KIF1A: variants seen among roughly 807,000 people sequenced by gnomAD.
KIF1A encodes the protein kinesin-like protein KIF1A.
In KIF1A, 46 loss-of-function variants were observed where a neutral mutation model predicts 227.3. The ratio of observed to expected loss-of-function variants is 0.20; its 90% CI spans 0.16 to 0.26. The LOEUF (loss-of-function observed/expected upper bound fraction) is 0.26, where lower values mean the gene tolerates loss of function less well. Ranked by LOEUF, KIF1A falls within the 10% of genes least tolerant of loss-of-function variation. The pLI is 1.00. For synonymous variants in KIF1A, 1,022 were observed against 1,012.8 expected, an observed-to-expected ratio of 1.01 and a Z score of -0.17; for missense variants, 1,683 against 2,485.9, an observed-to-expected ratio of 0.68 and a Z score of 6.87.
rs1022292866 is a variant in KIF1A at position 240,734,421 on chromosome 2, C to G, written c.4007+2642G>C. Among the ~76,000 whole-genome samples the G allele has an allele frequency of 2.0e-5, 3 of 151,974 alleles. No homozygotes were observed. In the East Asian group the frequency reaches 5.8e-4, roughly 29 times the overall value. ...AGGCTGGGGCAGGAGGAGCAGGAGGCCAGCCAGTGTCTACTAGGGAGCAGG... is the reference window on the plus strand; with the variant it reads ...AGGCTGGGGCAGGAGGAGCAGGAGGGCAGCCAGTGTCTACTAGGGAGCAGG... On this transcript the variant is annotated intron_variant, in intron 38 of 48. Coordinates refer to ENST00000498729, the MANE Select transcript of KIF1A (RefSeq NM_001244008.2).
At chr2:240,759,321 C>A (rs2050231212) in intron 25 of KIF1A, among the ~76,000 whole-genome samples, 1 of 152,054 alleles carries the variant, frequency 6.6e-6, no homozygotes, top group South Asian at 2.1e-4. Flanking sequence ...TTGCCATCAC[C>A]CCTGCCTTTC....
intron 6 of KIF1A, 135 bp downstream of exon 6, chr2:240,786,200 G>T: frequency 2.4e-6 from 2 of 834,114 alleles, no homozygotes; most frequent in Non-Finnish European, 3.8e-6. Context: ...ACGACCTCGG[G>T]CTCAGGAGGC....
chr2:240,783,178 C>A (rs1034691092), intron 8 of KIF1A, 69 bp from the exon 9 acceptor site: 1 of 1,229,444 alleles, frequency 8.1e-7, no homozygotes, highest in East Asian at 2.3e-5. Flanking sequence ...TGGAGGGATG[C>A]CCTGGGTGGA....
chr2:240,775,882 G>A lies in KIF1A; in HGVS notation c.927C>T (p.Ser309=), dbSNP rs748423559. The stretch of plus-strand genomic sequence containing the variant: ...TTTCCCGGAGGAGCCAGGTCAACAC[G>A]GAATCTCGGTACGGAATGAAATCTG... The part of the protein sequence containing the change: ...KKTDFIPYRD[S]VLTWLLRENL... The change falls in exon 11 of 49, where the codon TCC becomes TCT. Residue 309 remains serine, a synonymous_variant. Coordinates refer to ENST00000498729, the MANE Select transcript of KIF1A (RefSeq NM_001244008.2). The surrounding 1 kb of genome is among the most constrained non-coding windows in gnomAD (Gnocchi z 5.5). The A allele has an allele frequency of 2.6e-5, 42 of 1,612,324 alleles. No homozygotes were observed. The East Asian group carries it at 4.5e-4, about 17-fold the overall frequency.
chr2:240,782,569 G>C (rs1215251847), intron 10 of KIF1A, 21 bp downstream of exon 10: 1 of 1,551,678 alleles, frequency 6.4e-7, no homozygotes, highest in Non-Finnish European at 8.7e-7. Flanking sequence ...ACCTGCCCCG[G>C]GGCTGAAGGA....
Position 240,747,261 on chromosome 2 carries a change from G to C in KIF1A, c.3038C>G (p.Ser1013Cys). ...GVRQSGTAKI[S>C]FDDQHFEKFQ... is the part of the protein sequence containing the mutation. ...CTTTTCAAAATGCTGGTCATCAAAG[G>C]AGATTTTAGCAGTTCCCGACTGGCG... Residue 1013 changes from serine to cysteine, a missense_variant, in exon 29 of 49, where the codon TCC (serine) becomes TGC (cysteine). Coordinates refer to ENST00000498729, the MANE Select transcript of KIF1A (RefSeq NM_001244008.2). 6.2e-7 allele frequency: 1 copy of C among 1,613,528 alleles called. No homozygotes were observed. The highest frequency in any genetic ancestry group is 8.5e-7 in the Non-Finnish European group (1 of 1,179,642).
At chr2:240,783,611 A>C in intron 8 of KIF1A, 128 bp downstream of exon 8, 38 of 641,838 alleles carry the variant, frequency 5.9e-5, no homozygotes, top group East Asian at 5.8e-5. Flanking sequence ...GCCTATGCCC[A>C]CCCTCCCTAT....
chr2:240,739,907 A>C lies in KIF1A; in HGVS notation c.3901+151T>G, dbSNP rs979983936. 8.2e-5 allele frequency: 51 copies of C among 625,462 alleles called. No homozygotes were observed. The highest frequency in any genetic ancestry group is 1.4e-4 in the Non-Finnish European group (49 of 348,680). 38.7% of individuals were successfully genotyped at this position (625,462 alleles called of 1,614,324 possible). A position where few individuals can be genotyped will look rare whatever the true frequency, so the allele number is the denominator to read the frequency against. ...CCAAGGCTCTCCTTTTCAGGTGAGGAAGTGAGTCACAGAGAGATTATGTGA... is the reference window on the plus strand; with the variant it reads ...CCAAGGCTCTCCTTTTCAGGTGAGGCAGTGAGTCACAGAGAGATTATGTGA... On this transcript the variant is annotated intron_variant, in intron 37 of 48. Coordinates refer to ENST00000498729, the MANE Select transcript of KIF1A (RefSeq NM_001244008.2). This position sits in a 1 kb window ranked among gnomAD's most constrained non-coding sequence, Gnocchi z 5.6.
chr2:240,796,014 G>A (rs2056353890), intron 2 of KIF1A, among the ~76,000 whole-genome samples: 1 of 152,216 alleles, frequency 6.6e-6, no homozygotes, highest in African/African-American at 2.4e-5. Flanking sequence ...CCCAGTGGGG[G>A]ATGGAAGGGG....
At chr2:240,782,219 CA>C (rs1472614133) in intron 10 of KIF1A, 1 of 984,364 alleles carries the variant, frequency 1.0e-6, no homozygotes, top group Non-Finnish European at 1.2e-6. Context: ...CAGAGTCCAG[CA>C]CGCCTGTCAC....
In KIF1A at chr2:240,758,601, C is replaced by T; in HGVS notation, c.2445-104G>A. ...ACAGTGGGCTCAGCCTAGCTCTGGC[C>T]ACCACATCCAGCTCAGGGTCATCAA... On this transcript the variant is annotated intron_variant, in intron 25 of 48. Coordinates refer to ENST00000498729, the MANE Select transcript of KIF1A (RefSeq NM_001244008.2). The surrounding 1 kb of genome is among the most constrained non-coding windows in gnomAD (Gnocchi z 5.2). 8.2e-7 allele frequency: 1 copy of T among 1,215,982 alleles called. No homozygotes were observed. Among genetic ancestry groups the T allele is most frequent in the Non-Finnish European group, 1.1e-6 (1 of 919,760 alleles). 75.3% of individuals were successfully genotyped at this position (1,215,982 alleles called of 1,614,324 possible). A position where few individuals can be genotyped will look rare whatever the true frequency, so the allele number is the denominator to read the frequency against.
In KIF1A at chr2:240,790,461, T is replaced by A. The variant is rs9288741; in HGVS notation, c.107-1149A>T. On this transcript the variant is annotated intron_variant, in intron 2 of 48. Transcript: ENST00000498729. The surrounding 1 kb of genome is among the most constrained non-coding windows in gnomAD (Gnocchi z 5.0). ...TGGGGGCCAGCGGCACAGCCTCCAGTATGCCCGCACCCTCCGTGCCAGCAT... is the reference window on the plus strand; with the variant it reads ...TGGGGGCCAGCGGCACAGCCTCCAGAATGCCCGCACCCTCCGTGCCAGCAT... 5.7e-3 allele frequency among the ~76,000 whole-genome samples: 869 copies of A among 151,862 alleles called. 11 individuals are homozygous for A. Among genetic ancestry groups the A allele is most frequent in the African/African-American group, 0.02 (815 of 41,410 alleles).
Position 240,741,323 on chromosome 2 carries a change from C to T in KIF1A, c.3695G>A (p.Cys1232Tyr), listed in dbSNP as rs372549695. 5 of 1,600,018 alleles carry T rather than the reference C, an allele frequency of 3.1e-6. No individual in the cohort carries two copies. Among genetic ancestry groups the T allele is most frequent in the Non-Finnish European group, 2.6e-6 (3 of 1,176,090 alleles). ...LTRPCPGPCH[C>Y]KYDLLVYFEI... ...GAAGTAGACCAGCAGGTCGTACTTG[C>T]AGTGGCAGGGTCCCGGACAGGGCCG... The change falls in exon 35 of 49, where the codon TGC (cysteine) becomes TAC (tyrosine). Residue 1232 changes from cysteine (C) to tyrosine (Y), a missense_variant. Physicochemically the swap from Cys to Tyr is radical, Grantham distance 194. Coordinates refer to ENST00000498729, the MANE Select transcript of KIF1A (RefSeq NM_001244008.2).
intron 10 of KIF1A, among the ~76,000 whole-genome samples, chr2:240,776,722 C>T (rs1030612704): frequency 4.6e-5 from 7 of 152,352 alleles, no homozygotes; most frequent in East Asian, 1.9e-4. Context: ...CCTGCTGGGC[C>T]GGCAGATGAG....
chr2:240,821,027 G>C (rs925870582), upstream of KIF1A, among the ~76,000 whole-genome samples: 1 of 152,218 alleles, frequency 6.6e-6, no homozygotes, highest in African/African-American at 2.4e-5. Flanking sequence ...CCTAGTTCCA[G>C]GGGCTGACTG....
intron 38 of KIF1A, among the ~76,000 whole-genome samples, chr2:240,731,705 T>A (rs1027949697): frequency 6.6e-6 from 1 of 152,150 alleles, no homozygotes; most frequent in Non-Finnish European, 1.5e-5. Flanking sequence ...GCAAGCTCAC[T>A]GTTTCCTGGT....
At chr2:240,804,345 G>T (rs2126187442) in intron 1 of KIF1A, among the ~76,000 whole-genome samples, 1 of 152,318 alleles carries the variant, frequency 6.6e-6, no homozygotes, top group Middle Eastern at 3.4e-3. Context: ...TCTGCAGTAT[G>T]GTGGGTGAGA....
rs2050045216 is a variant in KIF1A at position 240,757,758 on chromosome 2, C to CA, written c.2583-165dup. Among the ~76,000 whole-genome samples, 1 of 152,088 alleles carries CA rather than the reference C, an allele frequency of 6.6e-6. No homozygotes were observed. Among genetic ancestry groups the CA allele is most frequent in the Non-Finnish European group, 1.5e-5 (1 of 68,006 alleles). ...GATGAGAGAACCAAAACTGTGCCCC[C>CA]AGGCTTGGAAAGAAATCACATGTAT... On this transcript the variant is annotated intron_variant, in intron 26 of 48. Coordinates refer to ENST00000498729, the MANE Select transcript of KIF1A (RefSeq NM_001244008.2). This position sits in a 1 kb window ranked among gnomAD's most constrained non-coding sequence, Gnocchi z 6.2.
chr2:240,754,974 TC>T, intron 27 of KIF1A, among the ~76,000 whole-genome samples: 1 of 152,014 alleles, frequency 6.6e-6, no homozygotes, highest in East Asian at 1.9e-4. Flanking sequence ...CCAGCCCTGC[TC>T]CCCTCCCAGG....
Sources: gnomAD v4.1 joint callset for allele counts (sites outside exome capture counted in the v4.1 genomes callset) on GRCh38, gnomAD v4.1.1 for gene constraint, Gnocchi (gnomAD v3.1) non-coding constraint, MANE v1.5 for transcripts, NCBI Gene and HGNC (gene_info 2026-07-23, HGNC 2026-07-21) for gene names.